Variants in PEX5L observed in about 807,000 individuals in gnomAD.
The protein encoded by PEX5L is peroxisomal biogenesis factor 5 like.
PEX5L carries 30 observed loss-of-function variants against 84.0 expected under a neutral mutation model. That is an observed-to-expected ratio of 0.36 (90% CI 0.27 to 0.48). PEX5L has a LOEUF of 0.48. Ranked by LOEUF, PEX5L falls within the 20% of genes least tolerant of loss-of-function variation. The pLI is 0.99. For synonymous variants in PEX5L, 270 were observed against 283.1 expected (o/e 0.95, Z 0.46); for missense variants, 533 against 754.6 (o/e 0.71, Z 3.44).
At chr3:179,813,585 G>A (rs1464247799) in intron 10 of PEX5L, among the ~76,000 whole-genome samples, 2 of 151,820 alleles carry the variant, frequency 1.3e-5, no homozygotes, top group African/African-American at 4.8e-5. Flanking sequence ...TGCAACCTCC[G>A]CCTCCTGGTT....
chr3:179,964,182 G>A (rs372811046), intron 2 of PEX5L, among the ~76,000 whole-genome samples: 5 of 151,942 alleles, frequency 3.3e-5, no homozygotes, highest in South Asian at 2.1e-4. Context: ...AGGCCCTGGC[G>A]TCTGTTGTTC....
intron 1 of PEX5L, among the ~76,000 whole-genome samples, chr3:179,986,167 T>A (rs952830705): frequency 9.7e-5 from 12 of 124,030 alleles, no homozygotes; most frequent in South Asian, 2.5e-4. Context: ...TAATTTAAAA[T>A]ATATATATAT....
intron 1 of PEX5L, among the ~76,000 whole-genome samples, chr3:179,992,535 T>G (rs567479748): frequency 1.9e-3 from 297 of 152,316 alleles, no homozygotes; most frequent in African/African-American, 6.9e-3. Flanking sequence ...AATCAATGAC[T>G]GTGTGTTTTT....
Position 179,874,439 on chromosome 3 carries a change from TA to T in PEX5L, c.630-17del. On this transcript the variant is annotated splice_polypyrimidine_tract_variant and intron_variant, in intron 6 of 14. Transcript: ENST00000467460. ...TTCTGAGGACCTATAAGGGATGCAT[TA>T]AGGAAATTAAACGTACACTAGAAAC... The T allele has an allele frequency of 7.2e-7, 1 of 1,394,894 alleles. No individual in the cohort carries two copies. Among genetic ancestry groups the T allele is most frequent in the Non-Finnish European group, 1.0e-6 (1 of 995,550 alleles). The allele number at this position is 1,394,894 out of a possible 1,614,324, so 86.4% of individuals were successfully genotyped here.
chr3:179,834,080 T>C (rs1734113093), intron 8 of PEX5L, among the ~76,000 whole-genome samples: 1 of 152,210 alleles, frequency 6.6e-6, no homozygotes, highest in Admixed American at 6.5e-5. Flanking sequence ...GCTCAAGCGA[T>C]CCTCTCTCCT....
At chr3:179,808,489 A>C in intron 12 of PEX5L, 52 bp from the exon 13 acceptor site, 4 of 1,239,530 alleles carry the variant, frequency 3.2e-6, no homozygotes, top group Non-Finnish European at 4.3e-6. Context: ...CAGAACATAA[A>C]TGATTTACTG....
intron 2 of PEX5L, among the ~76,000 whole-genome samples, chr3:179,938,666 T>G: frequency 6.6e-6 from 1 of 152,242 alleles, no homozygotes; most frequent in East Asian, 1.9e-4. Context: ...GCAAAGGAAC[T>G]CTCAACATAG....
intron 2 of PEX5L, among the ~76,000 whole-genome samples, chr3:179,930,371 C>G (rs561416487): frequency 2.0e-5 from 3 of 152,154 alleles, no homozygotes; most frequent in Non-Finnish European, 4.4e-5. Flanking sequence ...GAATAACTTC[C>G]TAGTAGCAAA....
At chr3:179,869,123 T>C (rs962517549) in intron 7 of PEX5L, among the ~76,000 whole-genome samples, 9 of 152,192 alleles carry the variant, frequency 5.9e-5, no homozygotes, top group African/African-American at 2.2e-4. Context: ...AGTTACAAAA[T>C]TGTGACTTGG....
intron 8 of PEX5L, among the ~76,000 whole-genome samples, chr3:179,856,728 T>C (rs986387430): frequency 6.6e-6 from 1 of 152,250 alleles, no homozygotes; most frequent in Non-Finnish European, 1.5e-5. Context: ...TCACACCTTC[T>C]GGTGGGCACC....
chr3:179,985,939 A>G (rs1039370999), intron 1 of PEX5L, among the ~76,000 whole-genome samples: 1 of 152,142 alleles, frequency 6.6e-6, no homozygotes, highest in African/African-American at 2.4e-5. Context: ...CTGGTGGCCC[A>G]TGCAGAGTCC....
intron 1 of PEX5L, among the ~76,000 whole-genome samples, chr3:179,979,239 A>G (rs1247680213): frequency 1.6e-5 from 2 of 127,122 alleles, no homozygotes; most frequent in Admixed American, 9.0e-5. Context: ...TCAAAACCAA[A>G]TTCAAATTTT....
At chr3:179,805,050 C>G (rs1720687273) in intron 14 of PEX5L, among the ~76,000 whole-genome samples, 1 of 149,894 alleles carries the variant, frequency 6.7e-6, no homozygotes, top group Non-Finnish European at 1.5e-5. Flanking sequence ...ACCTGGGAGG[C>G]AGAAGTTGCA....
intron 14 of PEX5L, among the ~76,000 whole-genome samples, chr3:179,806,493 G>A (rs1341285784): frequency 6.6e-6 from 1 of 152,116 alleles, no homozygotes; most frequent in African/African-American, 2.4e-5. Flanking sequence ...GAGTTTTTTC[G>A]TACAGTGCAA....
chr3:179,964,559 G>A (rs1029743757), intron 2 of PEX5L, among the ~76,000 whole-genome samples: 2 of 151,882 alleles, frequency 1.3e-5, no homozygotes, highest in Non-Finnish European at 2.9e-5. Flanking sequence ...TCTCACGAAG[G>A]TCTAATACCC....
chr3:179,977,407 T>C (rs907643914), intron 1 of PEX5L, among the ~76,000 whole-genome samples: 1 of 152,190 alleles, frequency 6.6e-6, no homozygotes, highest in African/African-American at 2.4e-5. Context: ...ATGCTTTGTT[T>C]ATTGCATTTA....
chr3:179,845,016 A>T (rs945065723), intron 8 of PEX5L, among the ~76,000 whole-genome samples: 3 of 152,112 alleles, frequency 2.0e-5, no homozygotes, highest in Non-Finnish European at 2.9e-5. Flanking sequence ...TTTTTTTCAC[A>T]TTTACGTTTA....
At chr3:180,000,666 A>G (rs1182501394) in intron 1 of PEX5L, among the ~76,000 whole-genome samples, 1 of 151,222 alleles carries the variant, frequency 6.6e-6, no homozygotes, top group Non-Finnish European at 1.5e-5. Flanking sequence ...TTGTGCATGT[A>G]TATACTTGTA....
intron 8 of PEX5L, among the ~76,000 whole-genome samples, chr3:179,829,727 T>A (rs914323045): frequency 2.0e-5 from 3 of 151,856 alleles, no homozygotes; most frequent in African/African-American, 7.2e-5. Flanking sequence ...TGCATTTTCC[T>A]TTGTAATATT....
Sources: gnomAD v4.1 joint callset for allele counts (sites outside exome capture counted in the v4.1 genomes callset) on GRCh38, gnomAD v4.1.1 for gene constraint, MANE v1.5 for transcripts, NCBI Gene and HGNC (gene_info 2026-07-23, HGNC 2026-07-21) for gene names.